The following REPS2 variants were observed in gnomAD, a reference collection of about 807,000 sequenced individuals.
The protein encoded by REPS2 is RALBP1 associated Eps domain containing 2.
REPS2 carries 23 observed loss-of-function variants against 53.6 expected under a neutral mutation model. That is an observed-to-expected ratio of 0.43 (90% CI 0.31 to 0.61). The LOEUF (loss-of-function observed/expected upper bound fraction) is 0.61. REPS2 is among the 20% of genes least tolerant of loss of function. The pLI is 0.11. For synonymous variants in REPS2, 238 were observed against 218.6 expected, an observed-to-expected ratio of 1.09 and a Z score of -0.78; for missense variants, 446 against 534.9, an observed-to-expected ratio of 0.83 and a Z score of 1.64.
chrX:17,157,756 C>T (rs1861793860), downstream of REPS2, among the ~76,000 whole-genome samples: 1 of 112,490 alleles, frequency 8.9e-6, no homozygotes, highest in African/African-American at 3.2e-5. Context: ...ATTTAGCCTT[C>T]TTACCATTAT....
rs1461785518 is a variant in REPS2 at position 17,145,308 on chromosome X, C to T, written c.1915-2105C>T. On this transcript the variant is annotated intron_variant, in intron 17 of 17. Coordinates refer to ENST00000357277, the MANE Select transcript of REPS2 (RefSeq NM_004726.3). ...TATATGGTCTCATGGCTTTGAAGAC[C>T]ATCCATAAACTAATGAAACCTAATT... is the stretch of plus-strand genomic sequence containing the variant. 5.4e-5 allele frequency among the ~76,000 whole-genome samples: 6 copies of T among 111,217 alleles called. No individual in the cohort carries two copies. The East Asian group carries it at 1.7e-3, about 32-fold the overall frequency.
intron 13 of REPS2, among the ~76,000 whole-genome samples, chrX:17,101,671 T>C (rs1220309578): frequency 8.9e-6 from 1 of 112,008 alleles, no homozygotes; most frequent in Non-Finnish European, 1.9e-5. Flanking sequence ...GAGATCCGAA[T>C]CAGGATCTAA....
chrX:16,948,594 A>G (rs2060470217), intron 1 of REPS2, among the ~76,000 whole-genome samples: 1 of 112,152 alleles, frequency 8.9e-6, no homozygotes, highest in African/African-American at 3.2e-5. Context: ...CTGGGTACCT[A>G]TTAAGGCTTA....
intron 1 of REPS2, among the ~76,000 whole-genome samples, chrX:17,002,664 T>C (rs1357141973): frequency 4.5e-5 from 5 of 112,169 alleles, no homozygotes; most frequent in African/African-American, 1.6e-4. Context: ...CTTCTGTATT[T>C]CTGTTGCTGA....
intron 7 of REPS2, among the ~76,000 whole-genome samples, chrX:17,052,891 T>C (rs1274063628): frequency 8.9e-6 from 1 of 111,940 alleles, no homozygotes; most frequent in Non-Finnish European, 1.9e-5. Flanking sequence ...ATTTGACTAT[T>C]CTAGCTGCCT....
At chrX:17,050,141 C>CTTT (rs1555926660) in intron 6 of REPS2, among the ~76,000 whole-genome samples, 6 of 20,383 alleles carry the variant, frequency 2.9e-4, no homozygotes, top group African/African-American at 4.8e-4. Context: ...TTCCTTTCTT[C>CTTT]CTTTCTTTCT....
the REPS2 span, among the ~76,000 whole-genome samples, chrX:17,188,022 A>G: frequency 8.9e-6 from 1 of 111,840 alleles, no homozygotes; most frequent in African/African-American, 3.3e-5. Context: ...AATGAGGTAT[A>G]AGCGTCGCTG....
At chrX:17,141,279 GCGGTGTCTTACAACTTA>G (rs2063443206) in intron 17 of REPS2, among the ~76,000 whole-genome samples, 1 of 111,781 alleles carries the variant, frequency 8.9e-6, no homozygotes, top group South Asian at 3.7e-4. Context: ...CTTTATATAA[GCGGTGTCTTACAACTTA>G]TACTTCTTGT....
rs772053379 is a variant in REPS2 at position 17,118,590 on chromosome X, A to G, written c.1578+14811A>G. 2.7e-5 allele frequency among the ~76,000 whole-genome samples: 3 copies of G among 112,318 alleles called. No homozygotes were observed. The South Asian group carries it at 1.1e-3, about 42-fold the overall frequency. ...TGCTGTAGAAGAAAAGGGCTGGAAAAGGTTTCTGGGGAAGTGCTAGAAATT... is the reference window on the plus strand; with the variant it reads ...TGCTGTAGAAGAAAAGGGCTGGAAAGGGTTTCTGGGGAAGTGCTAGAAATT... On this transcript the variant is annotated intron_variant, in intron 14 of 17. Coordinates refer to ENST00000357277, the MANE Select transcript of REPS2 (RefSeq NM_004726.3).
chrX:17,084,414 G>T (rs2062503322), intron 13 of REPS2, among the ~76,000 whole-genome samples: 1 of 111,994 alleles, frequency 8.9e-6, no homozygotes, highest in South Asian at 3.7e-4. Flanking sequence ...GAGTATATAG[G>T]TAGGGCTGGA....
intron 14 of REPS2, among the ~76,000 whole-genome samples, chrX:17,115,601 C>G (rs1296144456): frequency 8.9e-6 from 1 of 111,852 alleles, no homozygotes; most frequent in Admixed American, 9.4e-5. Flanking sequence ...TCTCTTCCCA[C>G]GAGGCCATAT....
intron 13 of REPS2, among the ~76,000 whole-genome samples, chrX:17,078,405 A>G (rs1164582778): frequency 8.9e-6 from 1 of 112,330 alleles, no homozygotes; most frequent in Non-Finnish European, 1.9e-5. Flanking sequence ...TTCTCCTCAC[A>G]GTAAAGTTAT....
chrX:17,055,010 C>A (rs1243328303), intron 8 of REPS2, 60 bp downstream of exon 8: 12 of 1,081,449 alleles, frequency 1.1e-5, no homozygotes, highest in Non-Finnish European at 1.5e-5. Flanking sequence ...GTGTAAAAAA[C>A]TTTTGTTTCC....
the REPS2 span, among the ~76,000 whole-genome samples, chrX:17,194,830 G>A: frequency 2.1e-4 from 23 of 111,869 alleles, no homozygotes; most frequent in Non-Finnish European, 4.1e-4. Flanking sequence ...GGGGAAACTG[G>A]TTAAAGGGCA....
At chrX:16,968,850 G>T (rs1392278858) in intron 1 of REPS2, among the ~76,000 whole-genome samples, 10 of 105,148 alleles carry the variant, frequency 9.5e-5, no homozygotes, top group Admixed American at 2.0e-4. Context: ...CCTCCCGGAC[G>T]GGGTGGCTGC....
chrX:16,985,988 C>G (rs1397539688), intron 1 of REPS2, among the ~76,000 whole-genome samples: 1 of 111,649 alleles, frequency 9.0e-6, no homozygotes, highest in Non-Finnish European at 1.9e-5. Context: ...AAATGCATGA[C>G]TGGTGCTATT....
At chrX:17,103,221 C>G (rs1408967893) in intron 13 of REPS2, among the ~76,000 whole-genome samples, 1 of 111,934 alleles carries the variant, frequency 8.9e-6, no homozygotes, top group Non-Finnish European at 1.9e-5. Flanking sequence ...GCCTCCCTCA[C>G]TGCTTTCAGA....
At chrX:16,960,910 C>T (rs2060652642) in intron 1 of REPS2, among the ~76,000 whole-genome samples, 1 of 111,838 alleles carries the variant, frequency 8.9e-6, no homozygotes, top group Non-Finnish European at 1.9e-5. Flanking sequence ...AGTGAAAGAT[C>T]TGTACATTCA....
rs751936495 is a variant in REPS2 at position 17,144,048 on chromosome X, C to T, written c.1915-3365C>T. ...AGCTTCACTGTCTGGCAATTTGGCT[C>T]GGCTGTATAGTTGGGGAACCCCCAA... On this transcript the variant is annotated intron_variant, in intron 17 of 17. Transcript: ENST00000357277. Among the ~76,000 whole-genome samples, 19 of 112,609 alleles carry T rather than the reference C, an allele frequency of 1.7e-4. No homozygotes were observed. The South Asian group carries it at 4.0e-3, about 24-fold the overall frequency.
Sources: gnomAD v4.1 joint callset for allele counts (sites outside exome capture counted in the v4.1 genomes callset) on GRCh38, gnomAD v4.1.1 for gene constraint, MANE v1.5 for transcripts, NCBI Gene and HGNC (gene_info 2026-07-23, HGNC 2026-07-21) for gene names.